The following USP25 variants were observed in gnomAD, a reference collection of about 807,000 sequenced individuals.
The protein encoded by USP25 is ubiquitin carboxyl-terminal hydrolase 25.
USP25 carries 85 observed loss-of-function variants against 158.5 expected under a neutral mutation model. That is an observed-to-expected ratio of 0.54 (90% CI 0.45 to 0.64). The LOEUF (loss-of-function observed/expected upper bound fraction) is 0.64. USP25 is among the 30% of genes least tolerant of loss of function. USP25 has a pLI of 0.00. For synonymous variants in USP25, 464 were observed against 460.4 expected, an observed-to-expected ratio of 1.01 and a Z score of -0.10; for missense variants, 1,242 against 1,327.3, an observed-to-expected ratio of 0.94 and a Z score of 1.00.
chr21:15,731,240 C>T (rs2030863543), intron 1 of USP25, among the ~76,000 whole-genome samples: 2 of 152,170 alleles, frequency 1.3e-5, no homozygotes, highest in African/African-American at 4.8e-5. Flanking sequence ...CTTAAGTGCA[C>T]TATCATGGCT....
chr21:15,806,587 A>C, intron 7 of USP25, among the ~76,000 whole-genome samples: 1 of 152,162 alleles, frequency 6.6e-6, no homozygotes. Flanking sequence ...ACTGGCGGTT[A>C]AGGCCACAAT....
chr21:15,857,954 T>G (rs2039237345), intron 20 of USP25, among the ~76,000 whole-genome samples: 1 of 152,032 alleles, frequency 6.6e-6, no homozygotes, highest in African/African-American at 2.4e-5. Flanking sequence ...AAATCATACC[T>G]ATACTAAATC....
rs117563182 is a variant in USP25, at chr21:15,763,080, A to G, written c.123+112A>G. 4,478 of 958,102 alleles carry G rather than the reference A, an allele frequency of 4.7e-3. 48 individuals carry two copies. The highest frequency in any genetic ancestry group is 3.7e-3 in the Non-Finnish European group (2,511 of 673,598). 59.4% of individuals were successfully genotyped at this position (958,102 alleles called of 1,614,324 possible). A position where few individuals can be genotyped will look rare whatever the true frequency, so the allele number is the denominator to read the frequency against. On this transcript the variant is annotated intron_variant, in intron 2 of 25. Coordinates refer to ENST00000400183, the MANE Select transcript of USP25 (RefSeq NM_001283041.3). ...GGTATACCATGTGGTAGTTTTAGAG[A>G]TACAGGAATGGACTTTGTAAAGTAA...
At chr21:15,792,648 C>T (rs980479631) in intron 5 of USP25, among the ~76,000 whole-genome samples, 1 of 151,578 alleles carries the variant, frequency 6.6e-6, no homozygotes, top group Non-Finnish European at 1.5e-5. Context: ...GGTTCATTTT[C>T]TACAAGTTAA....
chr21:15,868,417 G>A (rs2039747518), intron 22 of USP25, among the ~76,000 whole-genome samples: 1 of 151,970 alleles, frequency 6.6e-6, no homozygotes, highest in Non-Finnish European at 1.5e-5. Flanking sequence ...CGTGTTCATG[G>A]AACTTGATTT....
intron 18 of USP25, among the ~76,000 whole-genome samples, chr21:15,846,120 GTGTATA>G (rs1264605724): frequency 2.8e-5 from 2 of 71,396 alleles, no homozygotes; most frequent in Non-Finnish European, 4.7e-5. Context: ...GTGTGTGTGT[GTGTATA>G]TATATATATA....
intron 1 of USP25, among the ~76,000 whole-genome samples, chr21:15,739,313 T>C (rs2031820719): frequency 6.6e-6 from 1 of 152,198 alleles, no homozygotes; most frequent in Admixed American, 6.5e-5. Context: ...TTCTGAAATA[T>C]TTACATGTGT....
At chr21:15,842,247 A>C (rs1362369795) in intron 17 of USP25, 151 bp from the exon 18 acceptor site, 1 of 662,252 alleles carries the variant, frequency 1.5e-6, no homozygotes, top group Non-Finnish European at 2.3e-6. Flanking sequence ...TCTGGGAAGA[A>C]GTGCTATACG....
intron 1 of USP25, among the ~76,000 whole-genome samples, chr21:15,755,914 A>G (rs2033342929): frequency 6.6e-6 from 1 of 152,280 alleles, no homozygotes; most frequent in Admixed American, 6.5e-5. Context: ...AATGATTTCA[A>G]GGGGAGATGA....
At chr21:15,876,836 T>G (rs1455791803) in intron 24 of USP25, 1 of 152,250 alleles carries the variant, frequency 6.6e-6, no homozygotes, top group Non-Finnish European at 1.5e-5. Flanking sequence ...AATTATGTGG[T>G]GTAAATCTAA....
At chr21:15,787,770 G>A (rs776061909) in intron 4 of USP25, among the ~76,000 whole-genome samples, 1 of 151,528 alleles carries the variant, frequency 6.6e-6, no homozygotes, top group African/African-American at 2.4e-5. Flanking sequence ...AGCTTAAAGT[G>A]TATGCATGTT....
chr21:15,805,841 G>C lies in USP25; in HGVS notation c.780+583G>C, dbSNP rs557588358. Among the ~76,000 whole-genome samples the C allele has an allele frequency of 3.3e-5, 5 of 152,296 alleles. No homozygotes were observed. The East Asian group carries it at 9.6e-4, about 29-fold the overall frequency. ...GGAAAAAATACAGTGGCAAAGAATA[G>C]TAAGTGTTCAAAAAGATAGCGGCAA... is the stretch of plus-strand genomic sequence containing the variant. On this transcript the variant is annotated intron_variant, in intron 7 of 25. Coordinates refer to ENST00000400183, the MANE Select transcript of USP25 (RefSeq NM_001283041.3).
intron 4 of USP25, among the ~76,000 whole-genome samples, chr21:15,789,665 T>A (rs113587859): frequency 0.076 from 11,548 of 152,098 alleles, 501 homozygotes; most frequent in East Asian, 0.092. Flanking sequence ...ACTGGTACTA[T>A]TTGTTTTATG....
chr21:15,866,768 T>A (rs2039676981), intron 22 of USP25, among the ~76,000 whole-genome samples: 2 of 152,134 alleles, frequency 1.3e-5, no homozygotes, highest in African/African-American at 4.8e-5. Flanking sequence ...ATTAACTGAT[T>A]TAATTCAGAC....
chr21:15,742,994 G>T (rs946023445), intron 1 of USP25, among the ~76,000 whole-genome samples: 12 of 152,240 alleles, frequency 7.9e-5, no homozygotes, highest in Admixed American at 7.9e-4. Flanking sequence ...CAACCGTGGA[G>T]CCCCAAGGGG....
At chr21:15,862,412 G>A (rs1051826103) in intron 20 of USP25, among the ~76,000 whole-genome samples, 1 of 152,070 alleles carries the variant, frequency 6.6e-6, no homozygotes. Flanking sequence ...AACACTTCTG[G>A]TCCCAGGTAT....
At chr21:15,732,435 G>A (rs2031012323) in intron 1 of USP25, among the ~76,000 whole-genome samples, 1 of 152,174 alleles carries the variant, frequency 6.6e-6, no homozygotes, top group African/African-American at 2.4e-5. Flanking sequence ...TAAGTTGACA[G>A]ATTTAAATCC....
At chr21:15,811,254 AT>A in intron 9 of USP25, 44 bp downstream of exon 9, 1 of 1,498,854 alleles carries the variant, frequency 6.7e-7, no homozygotes, top group Non-Finnish European at 9.1e-7. Context: ...AAGAGAGATT[AT>A]TATTCATTCA....
chr21:15,851,967 G>A (rs568341818), intron 20 of USP25, among the ~76,000 whole-genome samples: 1 of 151,972 alleles, frequency 6.6e-6, no homozygotes, highest in African/African-American at 2.4e-5. Flanking sequence ...TGATAGTACA[G>A]CAAGAAAGCA....
Sources: allele counts gnomAD v4.1 joint callset (sites outside exome capture counted in the v4.1 genomes callset), GRCh38; gene constraint gnomAD v4.1.1; transcripts MANE v1.5; gene names NCBI Gene and HGNC (gene_info 2026-07-23, HGNC 2026-07-21).